ANOS1: variants seen among roughly 807,000 people sequenced by gnomAD.
The protein encoded by ANOS1 is anosmin 1.
In ANOS1, 6 loss-of-function variants were observed where a neutral mutation model predicts 59.0. That is an observed-to-expected ratio of 0.10 (90% CI 0.06 to 0.20). ANOS1 has a LOEUF of 0.20. ANOS1 is among the 10% of genes least tolerant of loss of function. The probability of loss-of-function intolerance (pLI) is 1.00; values close to 1 mark genes in which losing one functional copy is unlikely to be tolerated. For synonymous variants in ANOS1, 217 were observed against 223.4 expected (o/e 0.97, Z 0.25); for missense variants, 433 against 542.3 (o/e 0.80, Z 2.00).
At chrX:8,614,486 C>T (rs1248156373) in intron 3 of ANOS1, among the ~76,000 whole-genome samples, 1 of 111,428 alleles carries the variant, frequency 9.0e-6, no homozygotes, top group Non-Finnish European at 1.9e-5. Flanking sequence ...CAGTGACTTC[C>T]TAACTACAAA....
chrX:8,582,165 A>G (rs780181206), intron 6 of ANOS1, among the ~76,000 whole-genome samples: 4 of 112,799 alleles, frequency 3.5e-5, no homozygotes, highest in African/African-American at 1.3e-4. Context: ...ATTAACAAGC[A>G]AAATACTAAG....
At chrX:8,635,328 T>C (rs1931555307) in intron 2 of ANOS1, among the ~76,000 whole-genome samples, 1 of 111,977 alleles carries the variant, frequency 8.9e-6, no homozygotes, top group Non-Finnish European at 1.9e-5. Flanking sequence ...ATGTCCTAGA[T>C]AAGTATTAGT....
At chrX:8,595,131 A>G in intron 4 of ANOS1, among the ~76,000 whole-genome samples, 2 of 110,978 alleles carry the variant, frequency 1.8e-5, no homozygotes, top group Non-Finnish European at 3.8e-5. Flanking sequence ...TTATCTCTTT[A>G]AAACACTATA....
At chrX:8,729,712 T>TAAAAAAAAAAAAAAAAAAA (rs1173021674) in intron 1 of ANOS1, among the ~76,000 whole-genome samples, 2 of 63,085 alleles carry the variant, frequency 3.2e-5, no homozygotes, top group African/African-American at 1.2e-4. Flanking sequence ...TTCTAATTAT[T>TAAAAAAAAAAAAAAAAAAA]AAAAAAAAAA....
chrX:8,553,937 G>A lies in ANOS1; in HGVS notation c.1354+15C>T. 2 of 1,194,900 alleles carry A rather than the reference G, an allele frequency of 1.7e-6. No homozygotes were observed. Among genetic ancestry groups the A allele is most frequent in the Non-Finnish European group, 1.1e-6 (1 of 881,920 alleles). The stretch of plus-strand genomic sequence containing the variant: ...TTTAAAGCAAGTAAGAAATAAGTAA[G>A]TAATGTTTATGTACCTTCTGTCTTC... On this transcript the variant is annotated intron_variant, in intron 9 of 13. Coordinates refer to ENST00000262648, the MANE Select transcript of ANOS1 (RefSeq NM_000216.4).
chrX:8,542,860 G>A (rs1929710728), intron 9 of ANOS1, among the ~76,000 whole-genome samples: 1 of 107,305 alleles, frequency 9.3e-6, no homozygotes, highest in Admixed American at 1.0e-4. Flanking sequence ...CCATCTCAAG[G>A]TTGGCTTTGA....
intron 2 of ANOS1, among the ~76,000 whole-genome samples, chrX:8,698,673 C>T (rs1450843241): frequency 9.0e-6 from 1 of 111,578 alleles, no homozygotes; most frequent in Non-Finnish European, 1.9e-5. Context: ...AGTATCTAGA[C>T]AGTCAGAGAT....
chrX:8,731,826 G>A lies in ANOS1; in HGVS notation c.207+4C>T, dbSNP rs1405262767. On this transcript the variant is annotated splice_donor_region_variant and intron_variant, in intron 1 of 13. Coordinates refer to ENST00000262648, the MANE Select transcript of ANOS1 (RefSeq NM_000216.4). Reference sequence around the variant, plus strand: ...AAAGAACCCGGGCGGGGGCCTCCCCGTACCTGGAAGTGCTGGAAGAAGGCG... The same window carrying A: ...AAAGAACCCGGGCGGGGGCCTCCCCATACCTGGAAGTGCTGGAAGAAGGCG... 1 of 1,188,046 alleles carries A rather than the reference G, an allele frequency of 8.4e-7. No individual in the cohort carries two copies. The highest frequency in any genetic ancestry group is 1.1e-6 in the Non-Finnish European group (1 of 884,622).
At chrX:8,555,409 A>C (rs1196572320) in intron 8 of ANOS1, among the ~76,000 whole-genome samples, 1 of 111,516 alleles carries the variant, frequency 9.0e-6, no homozygotes, top group East Asian at 2.8e-4. Flanking sequence ...TAGAGACACA[A>C]AAAACCCTTC....
chrX:8,650,159 C>T (rs1931828084), intron 2 of ANOS1, among the ~76,000 whole-genome samples: 1 of 112,262 alleles, frequency 8.9e-6, no homozygotes, highest in Non-Finnish European at 1.9e-5. Context: ...TCCCTCCTGG[C>T]ATTTCCAGGC....
At chrX:8,627,224 TA>T (rs1467482238) in intron 2 of ANOS1, among the ~76,000 whole-genome samples, 1 of 112,453 alleles carries the variant, frequency 8.9e-6, no homozygotes, top group African/African-American at 3.2e-5. Context: ...CTCTTATTGC[TA>T]AAAATATAAA....
intron 4 of ANOS1, 103 bp downstream of exon 4, chrX:8,596,931 T>C: frequency 2.6e-6 from 3 of 1,134,786 alleles, no homozygotes; most frequent in Non-Finnish European, 3.6e-6. Flanking sequence ...AAAGATTTTA[T>C]GTTTTTTAGA....
chrX:8,689,492 G>A (rs1932572221), intron 2 of ANOS1, among the ~76,000 whole-genome samples: 1 of 109,882 alleles, frequency 9.1e-6, no homozygotes, highest in African/African-American at 3.3e-5. Context: ...GAGCTCAGGA[G>A]TTCAAACCAG....
intron 2 of ANOS1, among the ~76,000 whole-genome samples, chrX:8,664,233 C>G (rs1932090658): frequency 1.8e-5 from 2 of 112,013 alleles, no homozygotes; most frequent in South Asian, 7.6e-4. Flanking sequence ...CTCTGTCGCC[C>G]AGGCCGGAGT....
In ANOS1 at chrX:8,594,745, T is replaced by C. The variant is rs551329985; in HGVS notation, c.541+2289A>G. Among the ~76,000 whole-genome samples the C allele has an allele frequency of 3.7e-5, 3 of 81,935 alleles. No homozygotes were observed. In the South Asian group the frequency reaches 1.7e-3, roughly 47 times the overall value. 71.2% of individuals were successfully genotyped at this position (81,935 alleles called of 115,157 possible). On this transcript the variant is annotated intron_variant, in intron 4 of 13. Transcript: ENST00000262648. Reference sequence around the variant, plus strand: ...ATATCTACATATATATGTGTATATATATATACATATATATATATATATTTT... The same window carrying C: ...ATATCTACATATATATGTGTATATACATATACATATATATATATATATTTT...
chrX:8,724,513 C>T (rs974863236), intron 1 of ANOS1, among the ~76,000 whole-genome samples: 29 of 112,426 alleles, frequency 2.6e-4, no homozygotes, highest in African/African-American at 8.7e-4. Context: ...AGGGGGCTGA[C>T]CTCCTATATC....
At chrX:8,658,039 C>G (rs1931963598) in intron 2 of ANOS1, among the ~76,000 whole-genome samples, 2 of 111,571 alleles carry the variant, frequency 1.8e-5, no homozygotes, top group Admixed American at 1.9e-4. Flanking sequence ...GCATTAACTC[C>G]CAGTACCTCT....
intron 4 of ANOS1, among the ~76,000 whole-genome samples, chrX:8,589,271 T>A (rs184291286): frequency 8.9e-5 from 10 of 112,225 alleles, no homozygotes; most frequent in African/African-American, 3.2e-4. Context: ...ACCATACCTA[T>A]TGCAGTCTCC....
At chrX:8,615,825 T>C (rs1370082230) in intron 3 of ANOS1, among the ~76,000 whole-genome samples, 1 of 111,585 alleles carries the variant, frequency 9.0e-6, no homozygotes, top group African/African-American at 3.3e-5. Context: ...TGCTCCCATT[T>C]CAAACCTGCC....
Sources: allele counts gnomAD v4.1 joint callset (sites outside exome capture counted in the v4.1 genomes callset), GRCh38; gene constraint gnomAD v4.1.1; transcripts MANE v1.5; gene names NCBI Gene and HGNC (gene_info 2026-07-23, HGNC 2026-07-21).